RGS6: variants seen among roughly 807,000 people sequenced by gnomAD.
RGS6 encodes the protein regulator of G-protein signaling 6.
Under a neutral mutation model 78.5 loss-of-function variants are expected in RGS6, and 30 were observed. The observed-to-expected ratio is 0.38, with a 90% CI of 0.29 to 0.52. The LOEUF (loss-of-function observed/expected upper bound fraction) is 0.52, where lower values mean the gene tolerates loss of function less well. RGS6 is among the 20% of genes least tolerant of loss of function. The pLI is 0.85. For synonymous variants in RGS6, 206 were observed against 206.0 expected, an observed-to-expected ratio of 1.00 and a Z score of 0.00; for missense variants, 495 against 609.7, an observed-to-expected ratio of 0.81 and a Z score of 1.98.
chr14:71,869,086 T>C, the RGS6 span, among the ~76,000 whole-genome samples: 2 of 152,318 alleles, frequency 1.3e-5, no homozygotes, highest in Non-Finnish European at 1.5e-5. Flanking sequence ...TTCCCTGGGA[T>C]TGTACTCCTT....
At chr14:72,591,803 C>T in the RGS6 span, among the ~76,000 whole-genome samples, 1 of 152,162 alleles carries the variant, frequency 6.6e-6, no homozygotes, top group African/African-American at 2.4e-5. Flanking sequence ...CCAGAGAAAA[C>T]AAATGGATAC....
intron 2 of RGS6, among the ~76,000 whole-genome samples, chr14:71,968,447 A>G (rs1425522663): frequency 6.6e-6 from 1 of 152,182 alleles, no homozygotes; most frequent in African/African-American, 2.4e-5. Flanking sequence ...TTGATTTCAT[A>G]ATTATTTGTA....
At chr14:72,234,884 A>C (rs1717996525) in intron 2 of RGS6, among the ~76,000 whole-genome samples, 1 of 152,176 alleles carries the variant, frequency 6.6e-6, no homozygotes, top group African/African-American at 2.4e-5. Flanking sequence ...TCTACAGAGA[A>C]GTTGTATTGT....
chr14:72,427,926 G>T (rs987773705), intron 3 of RGS6, among the ~76,000 whole-genome samples: 3 of 152,084 alleles, frequency 2.0e-5, no homozygotes, highest in Non-Finnish European at 2.9e-5. Flanking sequence ...GTCGTGAAGG[G>T]CATCAAAAAG....
intron 2 of RGS6, among the ~76,000 whole-genome samples, chr14:72,097,949 T>C (rs1227667236): frequency 6.6e-6 from 1 of 152,226 alleles, no homozygotes; most frequent in Non-Finnish European, 1.5e-5. Flanking sequence ...TAGTCAACTA[T>C]GTCGATGTCT....
At chr14:72,096,373 T>G (rs2095408279) in intron 2 of RGS6, among the ~76,000 whole-genome samples, 1 of 152,194 alleles carries the variant, frequency 6.6e-6, no homozygotes, top group Admixed American at 6.5e-5. Flanking sequence ...CTTTTATGCC[T>G]TGATTATCTT....
intron 2 of RGS6, among the ~76,000 whole-genome samples, chr14:72,073,577 G>A (rs559152586): frequency 2.0e-5 from 3 of 152,152 alleles, no homozygotes; most frequent in South Asian, 4.1e-4. Flanking sequence ...GCACACTCAC[G>A]CTCATCCACA....
chr14:72,290,390 G>A (rs943799714), intron 2 of RGS6, among the ~76,000 whole-genome samples: 3 of 152,082 alleles, frequency 2.0e-5, no homozygotes, highest in Non-Finnish European at 4.4e-5. Flanking sequence ...GCATGTTTTC[G>A]ATAGCTTCAC....
In RGS6 at chr14:72,458,311, C is replaced by A; in HGVS notation, c.276C>A (p.Gly92=). Residue 92 remains glycine (G), a synonymous_variant, in exon 5 of 18, where the codon GGC becomes GGA. Coordinates refer to ENST00000553525, the MANE Select transcript of RGS6 (RefSeq NM_001204424.2). ...IHLGSLIAAQ[G]YIFPISDHVL... ...TGGGGAGCCTTATCGCTGCCCAGGG[C>A]TACATCTTTCCAATCTCAGACCATG... 6.2e-7 allele frequency: 1 copy of A among 1,614,090 alleles called. No homozygotes were observed. Among genetic ancestry groups the A allele is most frequent in the Non-Finnish European group, 8.5e-7 (1 of 1,179,954 alleles).
intron 2 of RGS6, among the ~76,000 whole-genome samples, chr14:72,007,113 TAAG>T (rs1427119007): frequency 6.6e-6 from 1 of 150,812 alleles, no homozygotes; most frequent in Non-Finnish European, 1.5e-5. Flanking sequence ...GTGATATAGT[TAAG>T]GAGATTTCTA....
the RGS6 span, chr14:72,619,757 A>G: frequency 1.3e-6 from 1 of 797,858 alleles, no homozygotes. Flanking sequence ...CGTCGTACCT[A>G]CCTTGTGGGG....
At chr14:72,488,168 A>G (rs994999922) in intron 12 of RGS6, among the ~76,000 whole-genome samples, 1 of 152,028 alleles carries the variant, frequency 6.6e-6, no homozygotes, top group Admixed American at 6.5e-5. Context: ...GACCAGTACC[A>G]CTCATCTCTG....
intron 16 of RGS6, among the ~76,000 whole-genome samples, chr14:72,539,701 G>A (rs2153506777): frequency 6.6e-6 from 1 of 152,292 alleles, no homozygotes; most frequent in South Asian, 2.1e-4. Flanking sequence ...AAAGCAGCAA[G>A]CAAGCTGCTC....
the RGS6 span, among the ~76,000 whole-genome samples, chr14:72,620,199 C>G: frequency 9.7e-4 from 148 of 152,246 alleles, 1 homozygote; most frequent in African/African-American, 3.4e-3. Flanking sequence ...TAAATCCTAC[C>G]CCCATTTTAG....
At chr14:72,548,129 G>A (rs994103475) in intron 17 of RGS6, among the ~76,000 whole-genome samples, 3 of 152,096 alleles carry the variant, frequency 2.0e-5, no homozygotes, top group Non-Finnish European at 2.9e-5. Context: ...GTCTCTGAGC[G>A]GGCCACAAGG....
At chr14:71,968,899 A>G in intron 2 of RGS6, among the ~76,000 whole-genome samples, 1 of 152,232 alleles carries the variant, frequency 6.6e-6, no homozygotes, top group Non-Finnish European at 1.5e-5. Flanking sequence ...ATATGTATAC[A>G]TGTGCCATGT....
intron 2 of RGS6, among the ~76,000 whole-genome samples, chr14:72,335,471 G>A (rs887518894): frequency 1.6e-4 from 25 of 152,122 alleles, no homozygotes; most frequent in African/African-American, 6.0e-4. Context: ...TTTTAAGATG[G>A]AAAAGTGACT....
chr14:72,589,207 T>G, the RGS6 span, among the ~76,000 whole-genome samples: 1 of 152,090 alleles, frequency 6.6e-6, no homozygotes. Flanking sequence ...GAGCTAGCAG[T>G]TGGAGTGGAA....
chr14:72,147,729 AG>A lies in RGS6; in HGVS notation c.84+182857del, dbSNP rs554225867. 5.1e-4 allele frequency among the ~76,000 whole-genome samples: 77 copies of A among 152,306 alleles called. 1 individual carries two copies. Among genetic ancestry groups the A allele is most frequent in the South Asian group, 4.8e-3 (23 of 4,830 alleles). ...CACAGGGCTATTGAAAGAATGAACA[AG>A]GGTAAGGGCACTGGCACCCAGAGGG... On this transcript the variant is annotated intron_variant, in intron 2 of 17. Coordinates refer to ENST00000553525, the MANE Select transcript of RGS6 (RefSeq NM_001204424.2).
Sources: allele counts gnomAD v4.1 joint callset (sites outside exome capture counted in the v4.1 genomes callset), GRCh38; gene constraint gnomAD v4.1.1; transcripts MANE v1.5; gene names NCBI Gene and HGNC (gene_info 2026-07-23, HGNC 2026-07-21).